INSYN2A: variants seen among roughly 807,000 people sequenced by gnomAD.
The protein encoded by INSYN2A is inhibitory synaptic factor 2A, also known as family with sequence similarity 196 member A.
INSYN2A carries 17 observed loss-of-function variants against 39.4 expected under a neutral mutation model. The observed-to-expected ratio is 0.43, with a 90% CI of 0.30 to 0.65. The LOEUF is 0.65. Among genes scored for constraint, INSYN2A ranks in the 30% least tolerant of loss-of-function variants. The pLI, the probability that INSYN2A is intolerant of heterozygous loss-of-function variation, is 0.14. For synonymous variants in INSYN2A, 255 were observed against 265.7 expected, an observed-to-expected ratio of 0.96 and a Z score of 0.39; for missense variants, 595 against 631.2, an observed-to-expected ratio of 0.94 and a Z score of 0.61.
intron 2 of INSYN2A, among the ~76,000 whole-genome samples, chr10:127,181,721 A>G (rs1443879831): frequency 6.6e-6 from 1 of 152,152 alleles, no homozygotes; most frequent in Admixed American, 6.5e-5. Flanking sequence ...GGTGAAAATG[A>G]ACATCCCATT....
intron 5 of INSYN2A, among the ~76,000 whole-genome samples, chr10:127,144,965 TTAGCCAG>T (rs1445409117): frequency 1.1e-4 from 15 of 139,908 alleles, no homozygotes; most frequent in Non-Finnish European, 1.5e-4. Context: ...TAAAAAAGCA[TTAGCCAG>T]ATATCCTAGC....
chr10:127,185,540 G>A (rs1047204079), intron 2 of INSYN2A, among the ~76,000 whole-genome samples: 2 of 152,170 alleles, frequency 1.3e-5, no homozygotes, highest in African/African-American at 4.8e-5. Flanking sequence ...CCTTAGAGCT[G>A]GGACCTTAGC....
chr10:127,176,288 C>T lies in INSYN2A; in HGVS notation c.108G>A (p.Arg36=). The change falls in exon 4 of 6, where the codon CGG becomes CGA. Residue 36 remains arginine, a synonymous_variant. Transcript: ENST00000522781. The surrounding 1 kb of genome is among the most constrained non-coding windows in gnomAD (Gnocchi z 4.4). ...LEMKYALDPN[R]QIKKRNKALQ... ...GGGCTTTGTTCCGTTTTTTAATCTG[C>T]CGGTTGGGGTCCAGGGCGTATTTCA... is the stretch of plus-strand genomic sequence containing the variant. 1 of 1,614,054 alleles carries T rather than the reference C, an allele frequency of 6.2e-7. No individual in the cohort carries two copies. The highest frequency in any genetic ancestry group is 8.5e-7 in the Non-Finnish European group (1 of 1,180,028).
intron 2 of INSYN2A, among the ~76,000 whole-genome samples, chr10:127,182,127 C>T (rs2055796236): frequency 6.6e-6 from 1 of 152,066 alleles, no homozygotes; most frequent in African/African-American, 2.4e-5. Flanking sequence ...GCCCCGTTCC[C>T]TCGATGTGTA....
Position 127,175,555 on chromosome 10 carries a change from G to A in INSYN2A, c.841C>T (p.Leu281Phe). 1 of 1,611,848 alleles carries A rather than the reference G, an allele frequency of 6.2e-7. No individual in the cohort carries two copies. Among genetic ancestry groups the A allele is most frequent in the African/African-American group, 1.3e-5 (1 of 75,054 alleles). Residue 281 changes from leucine to phenylalanine, a missense_variant, in exon 4 of 6, where the codon CTC (leucine) becomes TTC (phenylalanine). This residue lies in a region of INSYN2A where 478 missense variants were observed against 467.4 expected (regional missense o/e 1.02). Transcript: ENST00000522781. The surrounding 1 kb of genome is among the most constrained non-coding windows in gnomAD (Gnocchi z 6.3). ...SDSAAASQWSLCPADDERRRA... is the reference protein window; with the variant it reads ...SDSAAASQWSFCPADDERRRA... ...CTCCGCTCGTCATCTGCCGGGCAGA[G>A]TGACCACTGGCTGGCGGCTGCAGAG...
intron 2 of INSYN2A, among the ~76,000 whole-genome samples, chr10:127,186,525 G>GCCCCCC (rs1187468492): frequency 7.6e-5 from 2 of 26,252 alleles, no homozygotes; most frequent in Admixed American, 4.4e-4. Context: ...GCCCCCCCCC[G>GCCCCCC]ATCCAGTTAC....
At chr10:127,153,792 T>C (rs2052747848) in intron 5 of INSYN2A, 60 bp downstream of exon 5, 2 of 1,317,496 alleles carry the variant, frequency 1.5e-6, no homozygotes, top group African/African-American at 1.5e-5. Context: ...CTTGCATTTG[T>C]GGGTAAACAT....
At chr10:127,143,884 C>T (rs747993118) in intron 5 of INSYN2A, among the ~76,000 whole-genome samples, 1 of 152,152 alleles carries the variant, frequency 6.6e-6, no homozygotes, top group Admixed American at 6.5e-5. Context: ...ATCTGAGGGG[C>T]ACTGGAAATC....
In INSYN2A at chr10:127,153,922, G is replaced by T; in HGVS notation, c.1186C>A (p.Leu396Ile). ...GTGTCTTGCCCCGTCCGATATGAAA[G>T]CCTACAAGATAAGAACAGGAGAGCA... is the stretch of plus-strand genomic sequence containing the variant. Reference protein sequence around the residue: ...LEKGEAHREGLSYRTGQDTAN... With the variant: ...LEKGEAHREGISYRTGQDTAN... Residue 396 changes from leucine (L) to isoleucine (I), a missense_variant and splice_region_variant, in exon 5 of 6, where the codon CTT becomes ATT. By Grantham distance (5) the Leu-to-Ile change is conservative (BLOSUM62 2). Transcript: ENST00000522781. 1 of 1,613,322 alleles carries T rather than the reference G, an allele frequency of 6.2e-7. No homozygotes were observed. The highest frequency in any genetic ancestry group is 1.7e-4 in the Middle Eastern group (1 of 6,058).
chr10:127,187,929 AC>A (rs762836682), intron 2 of INSYN2A, among the ~76,000 whole-genome samples: 4 of 152,210 alleles, frequency 2.6e-5, no homozygotes, highest in Non-Finnish European at 5.9e-5. Context: ...ATAAAGAACC[AC>A]TGGCCTTCTT....
chr10:127,168,366 G>A (rs557441162), intron 4 of INSYN2A, among the ~76,000 whole-genome samples: 2 of 152,398 alleles, frequency 1.3e-5, no homozygotes, highest in Admixed American at 6.5e-5. Flanking sequence ...AATAGGGAGT[G>A]CTAAGGCACA....
At chr10:127,149,448 C>G (rs1361257121) in intron 5 of INSYN2A, among the ~76,000 whole-genome samples, 2 of 152,168 alleles carry the variant, frequency 1.3e-5, no homozygotes, top group East Asian at 3.9e-4. Flanking sequence ...TTATTTTTCA[C>G]AGAGAAATAT....
At chr10:127,155,790 G>T (rs2052984396) in intron 4 of INSYN2A, among the ~76,000 whole-genome samples, 1 of 152,228 alleles carries the variant, frequency 6.6e-6, no homozygotes, top group South Asian at 2.1e-4. Context: ...AATTCTACTG[G>T]AGCTCGGCTC....
intron 4 of INSYN2A, among the ~76,000 whole-genome samples, chr10:127,172,003 C>A (rs76954197): frequency 2.0e-4 from 30 of 152,218 alleles, no homozygotes; most frequent in African/African-American, 7.0e-4. Flanking sequence ...CCGTGCCCGG[C>A]CTCCACTGAT....
chr10:127,164,706 A>G (rs1204356316), intron 4 of INSYN2A, among the ~76,000 whole-genome samples: 2 of 152,216 alleles, frequency 1.3e-5, no homozygotes, highest in South Asian at 2.1e-4. Flanking sequence ...GTGCCTTTTA[A>G]TCATATTTTC....
At chr10:127,159,523 A>C (rs913281982) in intron 4 of INSYN2A, among the ~76,000 whole-genome samples, 1 of 152,190 alleles carries the variant, frequency 6.6e-6, no homozygotes, top group African/African-American at 2.4e-5. Context: ...ACACACATAC[A>C]TACCTTTGTA....
At chr10:127,190,117 C>A (rs1181899288) in intron 2 of INSYN2A, among the ~76,000 whole-genome samples, 1 of 152,202 alleles carries the variant, frequency 6.6e-6, no homozygotes, top group Non-Finnish European at 1.5e-5. Flanking sequence ...TTATTTGCTT[C>A]TTTTACCCTA....
At chr10:127,154,255 A>G (rs963538041) in intron 4 of INSYN2A, among the ~76,000 whole-genome samples, 5 of 152,272 alleles carry the variant, frequency 3.3e-5, no homozygotes, top group Non-Finnish European at 2.9e-5. Context: ...GGAAAAACCA[A>G]CCACATACAC....
chr10:127,175,147 GCTACAGATGGACT>G lies in INSYN2A; in HGVS notation c.1184+52_1184+64del. 7.3e-7 allele frequency: 1 copy of G among 1,374,158 alleles called. No individual in the cohort carries two copies. The highest frequency in any genetic ancestry group is 2.3e-5 in the East Asian group (1 of 43,478). The allele number at this position is 1,374,158 out of a possible 1,614,324, so 85.1% of individuals were successfully genotyped here. ...GTCTCATTACAGACTTGGGTTTGGG[GCTACAGATGGACT>G]CTGTGGTGATCAGCCTGCATAGCTT... On this transcript the variant is annotated intron_variant, in intron 4 of 5. Coordinates refer to ENST00000522781, the MANE Select transcript of INSYN2A (RefSeq NM_001039762.3). This position sits in a 1 kb window ranked among gnomAD's most constrained non-coding sequence, Gnocchi z 6.3.
Sources: gnomAD v4.1 joint callset for allele counts (sites outside exome capture counted in the v4.1 genomes callset) on GRCh38, gnomAD v4.1.1 for gene constraint, gnomAD v4.1.1 regional missense constraint, Gnocchi (gnomAD v3.1) non-coding constraint, MANE v1.5 for transcripts, NCBI Gene and HGNC (gene_info 2026-07-23, HGNC 2026-07-21) for gene names.